Variants in EDIL3 observed in about 807,000 individuals in gnomAD.
EDIL3 encodes the protein EGF-like repeat and discoidin I-like domain-containing protein 3.
EDIL3 carries 37 observed loss-of-function variants against 67.4 expected under a neutral mutation model. The observed-to-expected ratio is 0.55, with a 90% confidence interval of 0.42 to 0.72. The LOEUF (loss-of-function observed/expected upper bound fraction) is 0.72, where lower values mean the gene tolerates loss of function less well. Ranked by LOEUF, EDIL3 falls within the 30% of genes least tolerant of loss-of-function variation. The pLI, the probability that EDIL3 is intolerant of heterozygous loss-of-function variation, is 0.00. For synonymous variants in EDIL3, 195 were observed against 196.3 expected (o/e 0.99, Z 0.05); for missense variants, 527 against 586.3 (o/e 0.90, Z 1.04).
At chr5:84,242,666 A>G (rs1057443965) in intron 2 of EDIL3, among the ~76,000 whole-genome samples, 2 of 151,104 alleles carry the variant, frequency 1.3e-5, no homozygotes, top group South Asian at 4.2e-4. Context: ...GGCTTGGTGG[A>G]GTGTACCTGT....
intron 2 of EDIL3, among the ~76,000 whole-genome samples, chr5:84,235,695 T>C (rs890470193): frequency 2.0e-5 from 3 of 152,004 alleles, no homozygotes; most frequent in Non-Finnish European, 4.4e-5. Context: ...TTGTATTAAA[T>C]AAAGCTCAGC....
intron 1 of EDIL3, among the ~76,000 whole-genome samples, chr5:84,359,250 G>A (rs1386673314): frequency 6.6e-6 from 1 of 152,080 alleles, no homozygotes; most frequent in Non-Finnish European, 1.5e-5. Flanking sequence ...TGCAAAACAG[G>A]TATATCCAAT....
intron 1 of EDIL3, among the ~76,000 whole-genome samples, chr5:84,325,329 G>C (rs957000313): frequency 4.6e-5 from 7 of 151,736 alleles, no homozygotes; most frequent in Non-Finnish European, 7.4e-5. Flanking sequence ...CAAATGATCT[G>C]GGTAGACATT....
chr5:84,275,790 C>G (rs1467797499), intron 1 of EDIL3, among the ~76,000 whole-genome samples: 2 of 152,136 alleles, frequency 1.3e-5, no homozygotes, highest in Admixed American at 6.5e-5. Flanking sequence ...AACTGAGTCC[C>G]TAGAGGGAGG....
At chr5:84,366,554 T>G (rs1747739302) in intron 1 of EDIL3, among the ~76,000 whole-genome samples, 1 of 152,212 alleles carries the variant, frequency 6.6e-6, no homozygotes, top group African/African-American at 2.4e-5. Context: ...CATTATTCTA[T>G]AAATATGTAA....
At chr5:84,048,656 C>T (rs1561414254) in intron 9 of EDIL3, among the ~76,000 whole-genome samples, 2 of 151,718 alleles carry the variant, frequency 1.3e-5, no homozygotes, top group Non-Finnish European at 2.9e-5. Context: ...ATTATGTTAC[C>T]CTTTATGAAA....
intron 6 of EDIL3, among the ~76,000 whole-genome samples, chr5:84,070,591 G>T (rs934689575): frequency 4.0e-5 from 6 of 149,714 alleles, no homozygotes; most frequent in African/African-American, 1.5e-4. Context: ...GACATTTAGG[G>T]CTACTATGGT....
chr5:83,948,411 T>C (rs1320123973), intron 10 of EDIL3, among the ~76,000 whole-genome samples: 1 of 151,712 alleles, frequency 6.6e-6, no homozygotes, highest in African/African-American at 2.4e-5. Context: ...TGATGTAAAG[T>C]CTTATGAAAA....
At chr5:84,203,729 C>A (rs1473850299) in intron 3 of EDIL3, among the ~76,000 whole-genome samples, 3 of 152,166 alleles carry the variant, frequency 2.0e-5, no homozygotes, top group Admixed American at 2.0e-4. Flanking sequence ...GGGCTTATCT[C>A]ATTTTTAGAC....
intron 9 of EDIL3, among the ~76,000 whole-genome samples, chr5:84,059,109 T>G (rs1746497827): frequency 6.6e-6 from 1 of 151,838 alleles, no homozygotes. Flanking sequence ...AAGAAAAAAC[T>G]GAAAAAAGAA....
At chr5:84,073,409 C>T (rs947671116) in intron 6 of EDIL3, among the ~76,000 whole-genome samples, 1 of 152,132 alleles carries the variant, frequency 6.6e-6, no homozygotes, top group Non-Finnish European at 1.5e-5. Context: ...GTCAAATTGT[C>T]CCTGTTTGCA....
chr5:84,137,185 AC>A, intron 5 of EDIL3, 55 bp downstream of exon 5: 1 of 247,940 alleles, frequency 4.0e-6, no homozygotes, highest in Non-Finnish European at 5.5e-6. Context: ...GTGTATACAT[AC>A]ACACACACAC....
intron 1 of EDIL3, among the ~76,000 whole-genome samples, chr5:84,289,233 A>G (rs984411371): frequency 3.3e-5 from 5 of 152,230 alleles, no homozygotes; most frequent in African/African-American, 1.2e-4. Context: ...CACATTTAAC[A>G]TTCCGTGACA....
At chr5:83,978,793 CCTT>C (rs1221819271) in intron 9 of EDIL3, among the ~76,000 whole-genome samples, 3 of 152,004 alleles carry the variant, frequency 2.0e-5, no homozygotes, top group African/African-American at 4.8e-5. Flanking sequence ...GAAAATGAGT[CCTT>C]CTTTTCACAG....
intron 5 of EDIL3, among the ~76,000 whole-genome samples, chr5:84,129,604 C>A (rs1171672400): frequency 6.6e-6 from 1 of 151,986 alleles, no homozygotes; most frequent in African/African-American, 2.4e-5. Flanking sequence ...TTAGCCAATG[C>A]TTTCAGAGAC....
intron 9 of EDIL3, among the ~76,000 whole-genome samples, chr5:84,035,692 A>G (rs1264770027): frequency 6.6e-6 from 1 of 152,172 alleles, no homozygotes; most frequent in African/African-American, 2.4e-5. Flanking sequence ...CTTGGACTTC[A>G]CATAAGTTCT....
At chr5:84,313,888 G>A (rs1029208873) in intron 1 of EDIL3, among the ~76,000 whole-genome samples, 3 of 152,062 alleles carry the variant, frequency 2.0e-5, no homozygotes, top group East Asian at 1.9e-4. Context: ...AGTGGAGTGC[G>A]GTAGTGGAGA....
chr5:84,351,379 C>T (rs1006696652), intron 1 of EDIL3, among the ~76,000 whole-genome samples: 1 of 152,062 alleles, frequency 6.6e-6, no homozygotes, highest in Non-Finnish European at 1.5e-5. Context: ...TGTCACTAAC[C>T]AGCTGTGTAT....
rs1433714102 is a variant in EDIL3, at chr5:84,063,480, A to T, written c.952+1220T>A. On this transcript the variant is annotated intron_variant, in intron 8 of 10. Transcript: ENST00000296591. ...TGTTGGTTGCTTCAAAAAATACACC[A>T]ACATAGAATATGAAAATGTGATTCT... is the stretch of plus-strand genomic sequence containing the variant. 2.6e-5 allele frequency among the ~76,000 whole-genome samples: 4 copies of T among 152,278 alleles called. No homozygotes were observed. The East Asian group carries it at 7.7e-4, about 29-fold the overall frequency.
Sources: gnomAD v4.1 joint callset for allele counts (sites outside exome capture counted in the v4.1 genomes callset) on GRCh38, gnomAD v4.1.1 for gene constraint, MANE v1.5 for transcripts, NCBI Gene and HGNC (gene_info 2026-07-23, HGNC 2026-07-21) for gene names.